Variants in MTHFS observed in about 807,000 individuals in gnomAD.
MTHFS encodes the protein 5-formyltetrahydrofolate cyclo-ligase.
In MTHFS, 7 loss-of-function variants were observed where a neutral mutation model predicts 12.7. The ratio of observed to expected loss-of-function variants is 0.55; its 90% CI spans 0.31 to 1.03. The LOEUF (loss-of-function observed/expected upper bound fraction) is 1.03. MTHFS is among the 50% of genes least tolerant of loss of function. The probability of loss-of-function intolerance (pLI) is 0.05; values close to 1 mark genes in which losing one functional copy is unlikely to be tolerated. For synonymous variants in MTHFS, 100 were observed against 97.1 expected, an observed-to-expected ratio of 1.03 and a Z score of -0.18; for missense variants, 252 against 258.1, an observed-to-expected ratio of 0.98 and a Z score of 0.16.
intron 2 of MTHFS, among the ~76,000 whole-genome samples, chr15:79,847,512 G>A (rs1330530560): frequency 7.9e-5 from 12 of 151,898 alleles, no homozygotes; most frequent in Admixed American, 6.6e-5. Context: ...GTGAAATCCC[G>A]TCTCTACTAA....
chr15:79,889,221 C>T lies in MTHFS; in HGVS notation c.251G>A (p.Arg84Gln), dbSNP rs751600310. The T allele has an allele frequency of 8.9e-5, 143 of 1,614,032 alleles. No individual in the cohort carries two copies. Among genetic ancestry groups the T allele is most frequent in the Admixed American group, 5.8e-4 (35 of 60,000 alleles). Reference protein sequence around the residue: ...RGKICFIPRYRFQSNHMDMVR... With the variant: ...RGKICFIPRYQFQSNHMDMVR... ...CATATCCATGTGATTGCTCTGGAAC[C>T]GGTACCGAGGGATGAAGCAGATTTT... Residue 84 changes from arginine (R) to glutamine (Q), a missense_variant, in exon 2 of 3, where the codon CGG becomes CAG. Coordinates refer to ENST00000258874, the MANE Select transcript of MTHFS (RefSeq NM_006441.4).
chr15:79,870,517 G>A (rs1352472342), intron 2 of MTHFS, among the ~76,000 whole-genome samples: 2 of 152,192 alleles, frequency 1.3e-5, no homozygotes, highest in Non-Finnish European at 2.9e-5. Flanking sequence ...ATTCACTGAT[G>A]TGTACAAAGA....
At position 79,845,381 on chromosome 15, in the gene MTHFS, C is replaced by A; in HGVS notation, c.441G>T (p.Gly147=). The change falls in exon 3 of 3, where the codon GGG becomes GGT. Residue 147 remains glycine, a synonymous_variant. Coordinates refer to ENST00000258874, the MANE Select transcript of MTHFS (RefSeq NM_006441.4). ...AGGCATCATAGTAGCCCTTGCCCCT[C>A]CCCAGTCGGTTGCCATGTTTGTCAA... ...LGFDKHGNRL[G]RGKGYYDAYL... is the part of the protein sequence containing the mutation. The A allele has an allele frequency of 6.2e-7, 1 of 1,614,174 alleles. No homozygotes were observed. The highest frequency in any genetic ancestry group is 8.5e-7 in the Non-Finnish European group (1 of 1,180,036).
intron 1 of MTHFS, 105 bp from the exon 2 acceptor site, chr15:79,889,459 T>TAAAAATAAA: frequency 1.2e-5 from 9 of 740,448 alleles, no homozygotes; most frequent in Admixed American, 6.5e-5. Context: ...CTTTAAATAT[T>TAAAAATAAA]AAAAAGAAAA....
Position 79,844,407 on chromosome 15 carries a change from G to C in MTHFS, c.*803C>G, listed in dbSNP as rs985748686. ...TGGTGACAGGATGGACATGGAGTGT[G>C]AGTAAGAGAGCCACGTGACTCCCGG... On this transcript the variant is annotated 3_prime_UTR_variant, in exon 3 of 3. Transcript: ENST00000258874. 2.0e-5 allele frequency: 3 copies of C among 152,388 alleles called. No individual in the cohort carries two copies. The highest frequency in any genetic ancestry group is 7.2e-5 in the African/African-American group (3 of 41,436). The allele number at this position is 152,388 out of a possible 1,614,324, so 9.4% of individuals were successfully genotyped here.
At chr15:79,882,670 T>A (rs895445808) in intron 2 of MTHFS, among the ~76,000 whole-genome samples, 9 of 152,174 alleles carry the variant, frequency 5.9e-5, no homozygotes, top group Non-Finnish European at 1.0e-4. Flanking sequence ...AAGCTGCAAC[T>A]CCCATTTCCT....
chr15:79,897,088 G>A (rs2034594943), upstream of MTHFS: 2 of 1,190,228 alleles, frequency 1.7e-6, no homozygotes, highest in Middle Eastern at 3.0e-4. Context: ...GCGGCCTAGG[G>A]GCGGGTCGGG....
chr15:79,868,728 G>A (rs1047053246), intron 2 of MTHFS, among the ~76,000 whole-genome samples: 1 of 152,178 alleles, frequency 6.6e-6, no homozygotes, highest in African/African-American at 2.4e-5. Flanking sequence ...TACACCATAG[G>A]CTCCCCTGGT....
At chr15:79,876,663 T>C (rs1195443144) in intron 2 of MTHFS, 2 of 138,044 alleles carry the variant, frequency 1.4e-5, no homozygotes, top group Non-Finnish European at 3.2e-5. Flanking sequence ...TAGAATTAAA[T>C]GAATATATGA....
rs535270329 is a variant in MTHFS at position 79,887,419 on chromosome 15, AAGATGTTCTAGAAGGAGCAC to A, written c.379+1654_379+1673del. ...TAACACACTTTAGCTCAACCCAAAGAAGATGTTCTAGAAGGAGCACAGCTGTTCTAAAAGGAATGAGCTGC... is the reference window on the plus strand; with the variant it reads ...TAACACACTTTAGCTCAACCCAAAGAAGCTGTTCTAAAAGGAATGAGCTGC... On this transcript the variant is annotated intron_variant, in intron 2 of 2. Transcript: ENST00000258874. Among the ~76,000 whole-genome samples, 29 of 152,370 alleles carry A rather than the reference AAGATGTTCTAGAAGGAGCAC, an allele frequency of 1.9e-4. No individual in the cohort carries two copies. The South Asian group carries it at 6.0e-3, about 32-fold the overall frequency.
rs58698908 is a variant in MTHFS, at chr15:79,864,547, C to CAAAAAAAAA, written c.380-19114_380-19106dup. Among the ~76,000 whole-genome samples, 91 of 64,530 alleles carry CAAAAAAAAA rather than the reference C, an allele frequency of 1.4e-3. 2 individuals carry two copies. The highest frequency in any genetic ancestry group is 2.8e-3 in the African/African-American group (38 of 13,374). The allele number at this position is 64,530 out of a possible 152,430, so 42.3% of individuals were successfully genotyped here. Reference sequence around the variant, plus strand: ...GCAACAAAGTGAGACTCCATCTCAACAAAAAAAAAAAAAAAAAAAAAAAAA... The same window carrying CAAAAAAAAA: ...GCAACAAAGTGAGACTCCATCTCAACAAAAAAAAAAAAAAAAAAAAAAAAAAAAAAAAAA... On this transcript the variant is annotated intron_variant, in intron 2 of 2. Transcript: ENST00000258874.
Position 79,889,303 on chromosome 15 carries a change from T to G in MTHFS, c.169A>C (p.Ser57Arg). 1 of 1,614,218 alleles carries G rather than the reference T, an allele frequency of 6.2e-7. No individual in the cohort carries two copies. ...QKSKRISIFLSMQDEIETEEI... is the reference protein window; with the variant it reads ...QKSKRISIFLRMQDEIETEEI... ...TCTGTCTCAATTTCATCTTGCATGC[T>G]CAGAAAGATGGAAATTCTTTTGGAC... Residue 57 changes from serine to arginine, a missense_variant, in exon 2 of 3, where the codon AGC (serine) becomes CGC (arginine). By Grantham distance (110) the Ser-to-Arg change is moderately radical. Coordinates refer to ENST00000258874, the MANE Select transcript of MTHFS (RefSeq NM_006441.4).
At chr15:79,855,173 G>A (rs980769295) in intron 2 of MTHFS, among the ~76,000 whole-genome samples, 1 of 151,834 alleles carries the variant, frequency 6.6e-6, no homozygotes, top group African/African-American at 2.4e-5. Context: ...CTGCCATAAG[G>A]TTTTTAACAA....
chr15:79,859,366 C>T (rs2033868849), intron 2 of MTHFS, among the ~76,000 whole-genome samples: 1 of 152,196 alleles, frequency 6.6e-6, no homozygotes, highest in Admixed American at 6.5e-5. Flanking sequence ...TACTATGGCA[C>T]TAGTGCCAAA....
chr15:79,883,560 C>T (rs1198485378), intron 2 of MTHFS, among the ~76,000 whole-genome samples: 2 of 152,100 alleles, frequency 1.3e-5, no homozygotes, highest in South Asian at 2.1e-4. Flanking sequence ...ATAAGAATTA[C>T]GGAAGAAAAG....
intron 1 of MTHFS, among the ~76,000 whole-genome samples, chr15:79,893,479 A>T (rs1478640397): frequency 6.6e-6 from 1 of 152,002 alleles, no homozygotes; most frequent in African/African-American, 2.4e-5. Flanking sequence ...CAGGCGGATC[A>T]CGAGGTCAGG....
chr15:79,857,047 G>A (rs921553134), intron 2 of MTHFS, among the ~76,000 whole-genome samples: 5 of 151,508 alleles, frequency 3.3e-5, no homozygotes, highest in Non-Finnish European at 5.9e-5. Context: ...CCAGGCTGGA[G>A]TACAGTAGCA....
At position 79,883,397 on chromosome 15, in the gene MTHFS, A is replaced by G. The variant is rs967990511; in HGVS notation, c.379+5696T>C. ...GCTTCACCTCAAGAAACTTTTACTG[A>G]AAGTCTACAACATAAACCATATGAC... is the stretch of plus-strand genomic sequence containing the variant. On this transcript the variant is annotated intron_variant, in intron 2 of 2. Transcript: ENST00000258874. Among the ~76,000 whole-genome samples, 13 of 152,344 alleles carry G rather than the reference A, an allele frequency of 8.5e-5. No individual in the cohort carries two copies. In the South Asian group the frequency reaches 2.7e-3, roughly 32 times the overall value.
chr15:79,897,064 T>A, upstream of MTHFS: 1 of 1,371,840 alleles, frequency 7.3e-7, no homozygotes, highest in Non-Finnish European at 9.5e-7. Context: ...CCCTGGCCGC[T>A]CCCAGGTGGA....
Sources: gnomAD v4.1 joint callset for allele counts (sites outside exome capture counted in the v4.1 genomes callset) on GRCh38, gnomAD v4.1.1 for gene constraint, MANE v1.5 for transcripts, NCBI Gene and HGNC (gene_info 2026-07-23, HGNC 2026-07-21) for gene names.